The following RCN2 variants were observed in gnomAD, a reference collection of about 807,000 sequenced individuals.
RCN2 encodes the protein reticulocalbin-2.
RCN2 carries 23 observed loss-of-function variants against 37.5 expected under a neutral mutation model. The ratio of observed to expected loss-of-function variants is 0.61; its 90% CI spans 0.44 to 0.87. The LOEUF (loss-of-function observed/expected upper bound fraction) is 0.87. RCN2 is among the 40% of genes least tolerant of loss of function. RCN2 has a pLI of 0.00. For missense variants in RCN2, 381 were observed against 390.4 expected (o/e 0.98, Z 0.20); for synonymous variants, 140 against 144.6 (o/e 0.97, Z 0.23).
Position 76,943,825 on chromosome 15 carries a change from A to G in RCN2, c.515A>G (p.Glu172Gly). The change falls in exon 4 of 7, where the codon GAA (glutamate) becomes GGA (glycine). Residue 172 changes from glutamate (E) to glycine (G), a missense_variant. By Grantham distance (98) the Glu-to-Gly change is moderately conservative (BLOSUM62 -2). Coordinates refer to ENST00000394885, the MANE Select transcript of RCN2 (RefSeq NM_002902.3). ...NQDSGPGLSLEEFIAFEHPEE... is the reference protein window; with the variant it reads ...NQDSGPGLSLGEFIAFEHPEE... Reference sequence around the variant, plus strand: ...GATTCAGGTCCCGGTTTGAGTCTTGAAGAATTTATTGCTTTTGAGCATCCT... The same window carrying G: ...GATTCAGGTCCCGGTTTGAGTCTTGGAGAATTTATTGCTTTTGAGCATCCT... 1 of 1,611,280 alleles carries G rather than the reference A, an allele frequency of 6.2e-7. No individual in the cohort carries two copies. The highest frequency in any genetic ancestry group is 8.5e-7 in the Non-Finnish European group (1 of 1,177,868).
intron 3 of RCN2, chr15:76,938,862 A>T: frequency 2.3e-6 from 1 of 439,392 alleles, no homozygotes; most frequent in Non-Finnish European, 4.7e-6. Flanking sequence ...ATCTCCAAAA[A>T]TGAGGATAAT....
Position 76,951,856 on chromosome 15 carries a change from G to C in RCN2, c.*2634G>C, listed in dbSNP as rs926392748. On this transcript the variant is annotated 3_prime_UTR_variant, in exon 7 of 7. Coordinates refer to ENST00000394885, the MANE Select transcript of RCN2 (RefSeq NM_002902.3). ...ACAACTTCAAAGGGGAAAATTGAAT[G>C]GGATGTGCACATGTTGGCTCATATG... 1.4e-4 allele frequency: 22 copies of C among 152,102 alleles called. 1 individual carries two copies. The highest frequency in any genetic ancestry group is 1.1e-3 in the Admixed American group (17 of 15,268). 9.4% of individuals were successfully genotyped at this position (152,102 alleles called of 1,614,324 possible). A position where few individuals can be genotyped will look rare whatever the true frequency, so the allele number is the denominator to read the frequency against.
At position 76,953,658 on chromosome 15, in the gene RCN2, A is replaced by T. The variant is rs1471883060; in HGVS notation, c.*4436A>T. ...AGTCTCGCTCTGTCGCCCAGGCTGG[A>T]GTGCAGTGGCGCGATCTCGGCTCAC... On this transcript the variant is annotated 3_prime_UTR_variant, in exon 7 of 7. Coordinates refer to ENST00000394885, the MANE Select transcript of RCN2 (RefSeq NM_002902.3). 1 of 113,932 alleles carries T rather than the reference A, an allele frequency of 8.8e-6. No individual in the cohort carries two copies. The highest frequency in any genetic ancestry group is 3.4e-5 in the African/African-American group (1 of 29,264). The allele number at this position is 113,932 out of a possible 1,614,324, so 7.1% of individuals were successfully genotyped here. A position where few individuals can be genotyped will look rare whatever the true frequency, so the allele number is the denominator to read the frequency against.
At chr15:76,942,222 C>T (rs1207901548) in intron 3 of RCN2, 1 of 152,202 alleles carries the variant, frequency 6.6e-6, no homozygotes, top group Non-Finnish European at 1.5e-5. Flanking sequence ...AGGTAAATGA[C>T]TGCTACCTGA....
intron 3 of RCN2, chr15:76,943,081 T>C (rs965109222): frequency 2.6e-5 from 4 of 152,248 alleles, no homozygotes; most frequent in Admixed American, 6.5e-5. Flanking sequence ...AAACATTTTT[T>C]AAAAGCCCTA....
chr15:76,948,473 A>G lies in RCN2; in HGVS notation c.722A>G (p.Lys241Arg). 6.2e-7 allele frequency: 1 copy of G among 1,610,736 alleles called. No individual in the cohort carries two copies. Among genetic ancestry groups the G allele is most frequent in the East Asian group, 2.2e-5 (1 of 44,804 alleles). The change falls in exon 6 of 7, where the codon AAA (lysine) becomes AGA (arginine). Residue 241 changes from lysine (K) to arginine (R), a missense_variant. Lys to Arg is a conservative substitution (Grantham distance 26). Transcript: ENST00000394885. Reference sequence around the variant, plus strand: ...GACAGATTCGTGAATGATTATGACAAAGATAACGATGGCAGGCTTGATCCC... The same window carrying G: ...GACAGATTCGTGAATGATTATGACAGAGATAACGATGGCAGGCTTGATCCC... ...EKDRFVNDYD[K>R]DNDGRLDPQE... is the part of the protein sequence containing the mutation.
chr15:76,946,677 G>A (rs916662992), intron 4 of RCN2, among the ~76,000 whole-genome samples: 7 of 152,152 alleles, frequency 4.6e-5, no homozygotes, highest in Middle Eastern at 3.2e-3. Context: ...GCTTGAACCC[G>A]GGAAGCAGAG....
rs910195726 is a variant in RCN2 at position 76,952,413 on chromosome 15, A to T, written c.*3191A>T. ...AATACTGATCTTTTTACTGTTCATA[A>T]TTTTTTAGATTGTAGTAAAATACAC... On this transcript the variant is annotated 3_prime_UTR_variant, in exon 7 of 7. Coordinates refer to ENST00000394885, the MANE Select transcript of RCN2 (RefSeq NM_002902.3). 6.6e-6 allele frequency: 1 copy of T among 152,070 alleles called. No homozygotes were observed. The highest frequency in any genetic ancestry group is 1.5e-5 in the Non-Finnish European group (1 of 68,018). The allele number at this position is 152,070 out of a possible 1,614,324, so 9.4% of individuals were successfully genotyped here.
intron 3 of RCN2, chr15:76,942,205 AGT>A (rs773571828): frequency 6.6e-6 from 1 of 152,254 alleles, no homozygotes; most frequent in Non-Finnish European, 1.5e-5. Flanking sequence ...TAAAAGAACT[AGT>A]GTTTAGGTAA....
At chr15:76,935,468 T>G (rs547764475) in intron 2 of RCN2, 58 bp from the exon 3 acceptor site, 1,170 of 1,375,324 alleles carry the variant, frequency 8.5e-4, no homozygotes, top group Non-Finnish European at 1.1e-3. Flanking sequence ...TTGGAAATCC[T>G]TACTCTTAAG....
chr15:76,945,754 C>T lies in RCN2; in HGVS notation c.562-1667C>T, dbSNP rs544483768. 1.1e-3 allele frequency among the ~76,000 whole-genome samples: 164 copies of T among 152,338 alleles called. 3 individuals carry two copies. The highest frequency in any genetic ancestry group is 3.9e-3 in the African/African-American group (161 of 41,588). ...TGTCATGGTAGACCCTGCTGCCTTG[C>T]ATAACAAGGCTGCAGATACATTTTT... On this transcript the variant is annotated intron_variant, in intron 4 of 6. Coordinates refer to ENST00000394885, the MANE Select transcript of RCN2 (RefSeq NM_002902.3).
At chr15:76,941,064 T>C (rs1568460251) in intron 3 of RCN2, among the ~76,000 whole-genome samples, 1 of 150,846 alleles carries the variant, frequency 6.6e-6, no homozygotes, top group East Asian at 2.0e-4. Context: ...GACGGAGTCT[T>C]GCTCTGTCAC....
At position 76,948,524 on chromosome 15, in the gene RCN2, C is replaced by G. The variant is rs534252054; in HGVS notation, c.773C>G (p.Pro258Arg). ...CAAGAGCTGTTACCTTGGGTAGTACCTAATAATCAGGGCATTGCACAAGAG... is the reference window on the plus strand; with the variant it reads ...CAAGAGCTGTTACCTTGGGTAGTACGTAATAATCAGGGCATTGCACAAGAG... ...DPQELLPWVV[P>R]NNQGIAQEEA... Residue 258 changes from proline to arginine, a missense_variant, in exon 6 of 7, where the codon CCT (proline) becomes CGT (arginine). Pro to Arg is a moderately radical substitution (Grantham distance 103). Transcript: ENST00000394885. 57 of 1,595,068 alleles carry G rather than the reference C, an allele frequency of 3.6e-5. No individual in the cohort carries two copies. In the South Asian group the frequency reaches 6.3e-4, roughly 18 times the overall value.
Position 76,932,420 on chromosome 15 carries a change from G to T in RCN2, c.204G>T (p.Ala68=), listed in dbSNP as rs148834022. The part of the protein sequence containing the change: ...GHEEQQKRLQ[A]IIKKIDLDSD... ...AAGAGCAGCAAAAAAGACTGCAGGC[G>T]ATCATAAAGAAAATCGACTTGGACT... Residue 68 remains alanine, a synonymous_variant, in exon 2 of 7, where the codon GCG becomes GCT. Coordinates refer to ENST00000394885, the MANE Select transcript of RCN2 (RefSeq NM_002902.3). 22 of 1,613,846 alleles carry T rather than the reference G, an allele frequency of 1.4e-5. No homozygotes were observed. The Admixed American group carries it at 3.7e-4, about 27-fold the overall frequency.
At chr15:76,935,828 G>T in intron 3 of RCN2, 106 bp downstream of exon 3, 2 of 779,110 alleles carry the variant, frequency 2.6e-6, no homozygotes, top group South Asian at 3.9e-5. Flanking sequence ...GGATTGTCTT[G>T]TTCTCTAGGA....
Position 76,931,808 on chromosome 15 carries a change from T to C in RCN2, c.-34T>C, listed in dbSNP as rs1347770065. On this transcript the variant is annotated 5_prime_UTR_variant, in exon 1 of 7. Transcript: ENST00000394885. ...CCCGGGCCCCCGCCAGCCTCCCTCCTCGCGTCCCTCGGTGTCCTCCGCGGG... is the reference window on the plus strand; with the variant it reads ...CCCGGGCCCCCGCCAGCCTCCCTCCCCGCGTCCCTCGGTGTCCTCCGCGGG... 25 of 1,199,914 alleles carry C rather than the reference T, an allele frequency of 2.1e-5. No individual in the cohort carries two copies. Among genetic ancestry groups the C allele is most frequent in the Non-Finnish European group, 2.5e-5 (24 of 968,008 alleles). The allele number at this position is 1,199,914 out of a possible 1,614,324, so 74.3% of individuals were successfully genotyped here.
At chr15:76,948,796 G>A (rs1053470369) in intron 6 of RCN2, 3 of 524,492 alleles carry the variant, frequency 5.7e-6, no homozygotes, top group African/African-American at 3.8e-5. Context: ...TTTACCTACA[G>A]GGACTCAAAA....
chr15:76,938,110 A>G (rs2075260681), intron 3 of RCN2, among the ~76,000 whole-genome samples: 1 of 152,220 alleles, frequency 6.6e-6, no homozygotes, highest in Non-Finnish European at 1.5e-5. Flanking sequence ...GTAGAAAAAC[A>G]TAAAAATAAA....
Position 76,953,569 on chromosome 15 carries a change from ATATATATATATATATATATATATATT to A in RCN2, c.*4349_*4374del, listed in dbSNP as rs2152652832. Reference sequence around the variant, plus strand: ...ATATAGTAATTCTATATATATATATATATATATATATATATATATATATATTTTTTTTTTTTTTTTTTTTTTTTTTT... The same window carrying A: ...ATATAGTAATTCTATATATATATATATTTTTTTTTTTTTTTTTTTTTTTTT... On this transcript the variant is annotated 3_prime_UTR_variant, in exon 7 of 7. Transcript: ENST00000394885. 1 of 13,648 alleles carries A rather than the reference ATATATATATATATATATATATATATT, an allele frequency of 7.3e-5. No homozygotes were observed. Among genetic ancestry groups the A allele is most frequent in the African/African-American group, 3.7e-4 (1 of 2,668 alleles). 0.8% of individuals were successfully genotyped at this position (13,648 alleles called of 1,614,324 possible). A position where few individuals can be genotyped will look rare whatever the true frequency, so the allele number is the denominator to read the frequency against.
Sources: allele counts gnomAD v4.1 joint callset (sites outside exome capture counted in the v4.1 genomes callset), GRCh38; gene constraint gnomAD v4.1.1; transcripts MANE v1.5; gene names NCBI Gene and HGNC (gene_info 2026-07-23, HGNC 2026-07-21).